The following NTNG1 variants were observed in gnomAD, a reference collection of about 807,000 sequenced individuals.
NTNG1 encodes the protein netrin G1.
In NTNG1, 16 loss-of-function variants were observed where a neutral mutation model predicts 54.0. That is an observed-to-expected ratio of 0.30 (90% CI 0.20 to 0.45). The LOEUF (loss-of-function observed/expected upper bound fraction) is 0.45. Among genes scored for constraint, NTNG1 ranks in the 20% least tolerant of loss-of-function variants. NTNG1 has a pLI of 1.00. For synonymous variants in NTNG1, 255 were observed against 263.1 expected (o/e 0.97, Z 0.30); for missense variants, 530 against 678.7 (o/e 0.78, Z 2.43).
In NTNG1 at chr1:107,387,779, T is replaced by C. The variant is rs916315856; in HGVS notation, c.888-7375T>C. On this transcript the variant is annotated intron_variant, in intron 3 of 7. Transcript: ENST00000370068. Reference sequence around the variant, plus strand: ...AAACTAACAGGTAATTATACCTCCTTCTCAGAGTGATAATGAGGATGAGGT... The same window carrying C: ...AAACTAACAGGTAATTATACCTCCTCCTCAGAGTGATAATGAGGATGAGGT... Among the ~76,000 whole-genome samples, 6 of 152,210 alleles carry C rather than the reference T, an allele frequency of 3.9e-5. No homozygotes were observed. In the East Asian group the frequency reaches 7.7e-4, roughly 20 times the overall value.
At chr1:107,332,068 T>C (rs910484396) in intron 3 of NTNG1, among the ~76,000 whole-genome samples, 1 of 152,096 alleles carries the variant, frequency 6.6e-6, no homozygotes, top group Non-Finnish European at 1.5e-5. Context: ...TATGCACCCA[T>C]TGTAAGTGGA....
intron 3 of NTNG1, among the ~76,000 whole-genome samples, chr1:107,388,170 A>G (rs1672132977): frequency 6.6e-6 from 1 of 152,226 alleles, no homozygotes; most frequent in South Asian, 2.1e-4. Flanking sequence ...TAATGCCCAC[A>G]GAATGAATCA....
chr1:107,347,082 G>T (rs1464835066), intron 3 of NTNG1, among the ~76,000 whole-genome samples: 3 of 151,790 alleles, frequency 2.0e-5, no homozygotes, highest in Non-Finnish European at 2.9e-5. Flanking sequence ...TCACAGTAAG[G>T]CTTCCTATCA....
At chr1:107,337,139 G>C (rs565678132) in intron 3 of NTNG1, among the ~76,000 whole-genome samples, 1 of 151,968 alleles carries the variant, frequency 6.6e-6, no homozygotes, top group Non-Finnish European at 1.5e-5. Context: ...TAAAGCGGAA[G>C]CTTGAACAGA....
intron 3 of NTNG1, among the ~76,000 whole-genome samples, chr1:107,329,546 T>G (rs1668159019): frequency 1.3e-5 from 2 of 152,112 alleles, no homozygotes; most frequent in Non-Finnish European, 2.9e-5. Flanking sequence ...TCTGGAAAAA[T>G]CAGTTATTCT....
rs150617811 is a variant in NTNG1 at position 107,226,239 on chromosome 1, T to C, written c.246+77400T>C. 2.3e-3 allele frequency among the ~76,000 whole-genome samples: 343 copies of C among 152,246 alleles called. 2 individuals are homozygous for C. The highest frequency in any genetic ancestry group is 7.4e-3 in the African/African-American group (309 of 41,568). ...CCCCCATGATGTCCCGGTGTACTCTTGTGAGTCTTAGTTTGACTGAATTGA... is the reference window on the plus strand; with the variant it reads ...CCCCCATGATGTCCCGGTGTACTCTCGTGAGTCTTAGTTTGACTGAATTGA... On this transcript the variant is annotated intron_variant, in intron 2 of 7. Transcript: ENST00000370068.
intron 2 of NTNG1, among the ~76,000 whole-genome samples, chr1:107,151,618 T>A (rs936512667): frequency 2.6e-5 from 4 of 152,202 alleles, no homozygotes; most frequent in Non-Finnish European, 4.4e-5. Context: ...CGAGGGAACA[T>A]GTGCTGAGAG....
At chr1:107,475,850 T>C (rs1255020209) in intron 7 of NTNG1, among the ~76,000 whole-genome samples, 1 of 152,156 alleles carries the variant, frequency 6.6e-6, no homozygotes, top group Non-Finnish European at 1.5e-5. Flanking sequence ...GCCAGTAGTG[T>C]GCCCTCCCTA....
chr1:107,374,813 A>G lies in NTNG1; in HGVS notation c.888-20341A>G, dbSNP rs115686989. 3.7e-3 allele frequency among the ~76,000 whole-genome samples: 566 copies of G among 151,394 alleles called. 6 individuals are homozygous for G. The highest frequency in any genetic ancestry group is 0.013 in the African/African-American group (528 of 41,268). On this transcript the variant is annotated intron_variant, in intron 3 of 7. Coordinates refer to ENST00000370068, the MANE Select transcript of NTNG1 (RefSeq NM_001113226.3). ...CTGGTTGAGTGTTGAGCCTTTTTGTATTTTTATGAATATTCTTTAGGGTTT... is the reference window on the plus strand; with the variant it reads ...CTGGTTGAGTGTTGAGCCTTTTTGTGTTTTTATGAATATTCTTTAGGGTTT...
chr1:107,394,006 A>G (rs1039196974), intron 3 of NTNG1, among the ~76,000 whole-genome samples: 1 of 151,908 alleles, frequency 6.6e-6, no homozygotes, highest in Non-Finnish European at 1.5e-5. Context: ...GGAAGAGGCC[A>G]TGTTTCTCTC....
At chr1:107,401,291 G>C (rs1007008875) in intron 4 of NTNG1, among the ~76,000 whole-genome samples, 4 of 152,112 alleles carry the variant, frequency 2.6e-5, no homozygotes, top group African/African-American at 9.7e-5. Context: ...TTTTGTCAGC[G>C]CAGTAAGAGA....
chr1:107,287,990 G>A (rs1444443241), intron 2 of NTNG1, among the ~76,000 whole-genome samples: 4 of 152,076 alleles, frequency 2.6e-5, no homozygotes, highest in Middle Eastern at 3.4e-3. Flanking sequence ...ATACATAATC[G>A]CACCTATCAT....
chr1:107,398,955 CAT>C (rs562411503), intron 4 of NTNG1, among the ~76,000 whole-genome samples: 7 of 152,106 alleles, frequency 4.6e-5, no homozygotes, highest in Admixed American at 6.6e-5. Flanking sequence ...TGGAATAACA[CAT>C]GTTTTTCTAT....
chr1:107,400,776 G>A (rs1400007963), intron 4 of NTNG1, among the ~76,000 whole-genome samples: 1 of 151,864 alleles, frequency 6.6e-6, no homozygotes, highest in South Asian at 2.1e-4. Context: ...AGCCTCCCAA[G>A]TAGCTGGGAT....
At chr1:107,344,606 A>G (rs1410968559) in intron 3 of NTNG1, among the ~76,000 whole-genome samples, 1 of 152,134 alleles carries the variant, frequency 6.6e-6, no homozygotes, top group Non-Finnish European at 1.5e-5. Flanking sequence ...AGTCTACTTG[A>G]TGAAGTGTTT....
chr1:107,191,376 T>C (rs1347703379), intron 2 of NTNG1, among the ~76,000 whole-genome samples: 1 of 152,126 alleles, frequency 6.6e-6, no homozygotes, highest in Admixed American at 6.5e-5. Context: ...ATTCTGTAGG[T>C]TGCCTGTTCA....
intron 2 of NTNG1, among the ~76,000 whole-genome samples, chr1:107,261,661 G>C (rs1029000091): frequency 2.0e-5 from 3 of 152,120 alleles, no homozygotes; most frequent in Non-Finnish European, 4.4e-5. Flanking sequence ...GGCTAACACA[G>C]TGAAACCCCG....
At chr1:107,141,876 T>TG (rs1308375376) in intron 1 of NTNG1, among the ~76,000 whole-genome samples, 1 of 152,140 alleles carries the variant, frequency 6.6e-6, no homozygotes, top group African/African-American at 2.4e-5. Context: ...TATATTTGTT[T>TG]GGGGAAAAGC....
At chr1:107,442,334 G>A (rs975381444) in intron 7 of NTNG1, among the ~76,000 whole-genome samples, 14 of 151,972 alleles carry the variant, frequency 9.2e-5, no homozygotes, top group Admixed American at 3.3e-4. Context: ...TTTTAAAAAT[G>A]GGTGTTCACA....
Sources: allele counts gnomAD v4.1 joint callset (sites outside exome capture counted in the v4.1 genomes callset), GRCh38; gene constraint gnomAD v4.1.1; transcripts MANE v1.5; gene names NCBI Gene and HGNC (gene_info 2026-07-23, HGNC 2026-07-21).